The following KDM6A variants were observed in gnomAD, a reference collection of about 807,000 sequenced individuals.
KDM6A encodes lysine-specific demethylase 6A.
A neutral mutation model predicts 117.6 loss-of-function variants in KDM6A; 11 were observed. The ratio of observed to expected loss-of-function variants is 0.09; its 90% confidence interval spans 0.06 to 0.15. KDM6A has a LOEUF of 0.15. KDM6A is among the 10% of genes least tolerant of loss of function. KDM6A has a pLI of 1.00. For missense variants in KDM6A, 799 were observed against 1,077.3 expected, an observed-to-expected ratio of 0.74 and a Z score of 3.62; for synonymous variants, 384 against 396.1, an observed-to-expected ratio of 0.97 and a Z score of 0.36.
At chrX:44,916,588 A>G (rs1040089747) in intron 2 of KDM6A, among the ~76,000 whole-genome samples, 8 of 111,302 alleles carry the variant, frequency 7.2e-5, no homozygotes, top group African/African-American at 2.3e-4. Context: ...TCACTGCTAT[A>G]TACTTTAGTA....
chrX:45,080,403 G>A (rs189005722), intron 21 of KDM6A, among the ~76,000 whole-genome samples: 40 of 111,907 alleles, frequency 3.6e-4, no homozygotes, highest in African/African-American at 1.3e-3. Flanking sequence ...ACTATAATGA[G>A]AACTTTGTGA....
intron 2 of KDM6A, among the ~76,000 whole-genome samples, chrX:44,930,920 A>T (rs1307990003): frequency 9.0e-6 from 1 of 111,528 alleles, no homozygotes; most frequent in Non-Finnish European, 1.9e-5. Context: ...AATTTTTAAT[A>T]CTTTATTTTC....
intron 2 of KDM6A, among the ~76,000 whole-genome samples, chrX:44,954,575 C>G (rs748008839): frequency 2.0e-4 from 22 of 111,382 alleles, no homozygotes; most frequent in Non-Finnish European, 3.4e-4. Flanking sequence ...TTTAGGATGT[C>G]TGAATAACAA....
chrX:44,924,417 G>GAA lies in KDM6A; in HGVS notation c.226-36865_226-36864dup, dbSNP rs1356551096. 5.9e-3 allele frequency among the ~76,000 whole-genome samples: 664 copies of GAA among 112,191 alleles called. 5 individuals are homozygous for GAA. Among genetic ancestry groups the GAA allele is most frequent in the African/African-American group, 0.02 (625 of 30,916 alleles). ...TTCTGGGATGCAGTTAAATCACTTG[G>GAA]AAATAGTTTGATGCTTTTGAGGCTT... On this transcript the variant is annotated intron_variant, in intron 2 of 29. Transcript: ENST00000611820.
chrX:44,875,132 G>T (rs960103164), intron 2 of KDM6A, among the ~76,000 whole-genome samples: 1 of 112,233 alleles, frequency 8.9e-6, no homozygotes, highest in African/African-American at 3.2e-5. Flanking sequence ...TGCTATGGGT[G>T]TTGTATCCGT....
chrX:44,955,065 C>T (rs778216155), intron 2 of KDM6A, among the ~76,000 whole-genome samples: 12 of 111,502 alleles, frequency 1.1e-4, no homozygotes, highest in Non-Finnish European at 1.7e-4. Context: ...TTAATTTTTA[C>T]TTGGTGAATT....
At chrX:44,925,178 C>T (rs749730446) in intron 2 of KDM6A, among the ~76,000 whole-genome samples, 85 of 110,859 alleles carry the variant, frequency 7.7e-4, no homozygotes, top group Non-Finnish European at 1.4e-3. Context: ...CTCCAGAGTC[C>T]TCTCTCTGCA....
chrX:44,966,076 T>C (rs1355475499), intron 3 of KDM6A, among the ~76,000 whole-genome samples: 1 of 111,186 alleles, frequency 9.0e-6, no homozygotes, highest in Non-Finnish European at 1.9e-5. Context: ...AATAAATCTT[T>C]TAACTTTTAA....
chrX:45,099,394 G>A (rs1412251605), intron 27 of KDM6A, among the ~76,000 whole-genome samples: 1 of 109,361 alleles, frequency 9.1e-6, no homozygotes, highest in African/African-American at 3.3e-5. Context: ...TTAAACCTAC[G>A]AAAGTCTTTT....
At chrX:44,989,874 G>T (rs1467943712) in intron 4 of KDM6A, among the ~76,000 whole-genome samples, 1 of 111,721 alleles carries the variant, frequency 9.0e-6, no homozygotes, top group African/African-American at 3.3e-5. Context: ...TTTTCTTACA[G>T]GGCAAAATAG....
At chrX:44,987,219 A>G (rs2040280232) in intron 4 of KDM6A, among the ~76,000 whole-genome samples, 2 of 111,622 alleles carry the variant, frequency 1.8e-5, no homozygotes, top group South Asian at 3.8e-4. Context: ...ATCAGAGACT[A>G]GGATTGCAAC....
intron 2 of KDM6A, among the ~76,000 whole-genome samples, chrX:44,943,999 A>G (rs888016601): frequency 3.6e-5 from 4 of 111,551 alleles, no homozygotes; most frequent in Admixed American, 9.5e-5. Context: ...TATAGATAAT[A>G]TAGTGGTACC....
At chrX:45,027,336 AAC>A (rs200245833) in intron 6 of KDM6A, among the ~76,000 whole-genome samples, 1,109 of 97,699 alleles carry the variant, frequency 0.011, 6 homozygotes, top group South Asian at 0.028. Context: ...CATAGTGTGA[AAC>A]ACACACACAC....
At chrX:44,975,895 G>A (rs2039596134) in intron 4 of KDM6A, among the ~76,000 whole-genome samples, 1 of 112,087 alleles carries the variant, frequency 8.9e-6, no homozygotes, top group African/African-American at 3.2e-5. Context: ...TGGGGGAATG[G>A]GGTGGAGCCA....
In KDM6A at chrX:45,109,650, C is replaced by T. The variant is rs143382000; in HGVS notation, c.4162-429C>T. Among the ~76,000 whole-genome samples, 26 of 110,723 alleles carry T rather than the reference C, an allele frequency of 2.3e-4. No homozygotes were observed. The East Asian group carries it at 7.1e-3, about 30-fold the overall frequency. On this transcript the variant is annotated intron_variant, in intron 28 of 29. Coordinates refer to ENST00000611820, the MANE Select transcript of KDM6A (RefSeq NM_001291415.2). ...TCCAGTTAGGTGTGTTGTTCCTTAT[C>T]CTACCTGAACCCTAGCAACTCATCA...
chrX:45,010,030 C>G (rs1318166006), intron 4 of KDM6A, among the ~76,000 whole-genome samples: 1 of 112,021 alleles, frequency 8.9e-6, no homozygotes, highest in East Asian at 2.8e-4. Context: ...TAATTTGAAG[C>G]TTATAATTTC....
intron 23 of KDM6A, 116 bp from the exon 24 acceptor site, chrX:45,083,344 A>G: frequency 1.5e-6 from 1 of 684,706 alleles, no homozygotes; most frequent in Non-Finnish European, 2.1e-6. Flanking sequence ...GGAAAAGTAA[A>G]ATATTTATAG....
In KDM6A at chrX:45,094,145, C is replaced by T. The variant is rs181246963; in HGVS notation, c.4034+3281C>T. ...ATGTACTTTTCAGCAGCCAACATGG[C>T]TCCCTTTCTTTGATTTAATGAGTCT... On this transcript the variant is annotated intron_variant, in intron 27 of 29. Coordinates refer to ENST00000611820, the MANE Select transcript of KDM6A (RefSeq NM_001291415.2). Among the ~76,000 whole-genome samples, 74 of 111,886 alleles carry T rather than the reference C, an allele frequency of 6.6e-4. 1 individual carries two copies. The highest frequency in any genetic ancestry group is 2.3e-3 in the African/African-American group (71 of 30,856).
At chrX:44,926,681 T>C (rs1356871539) in intron 2 of KDM6A, among the ~76,000 whole-genome samples, 2 of 111,926 alleles carry the variant, frequency 1.8e-5, no homozygotes, top group Non-Finnish European at 3.8e-5. Context: ...ATTGAAATTA[T>C]GTCATTTTGT....
Sources: gnomAD v4.1 joint callset for allele counts (sites outside exome capture counted in the v4.1 genomes callset) on GRCh38, gnomAD v4.1.1 for gene constraint, MANE v1.5 for transcripts, NCBI Gene and HGNC (gene_info 2026-07-23, HGNC 2026-07-21) for gene names.